The following CSMD1 variants were observed in gnomAD, a reference collection of about 807,000 sequenced individuals.
CSMD1 encodes the protein CUB and Sushi multiple domains 1.
CSMD1 carries 213 observed loss-of-function variants against 417.5 expected under a neutral mutation model. The observed-to-expected ratio is 0.51, with a 90% CI of 0.46 to 0.57. The LOEUF (loss-of-function observed/expected upper bound fraction) is 0.57. Among genes scored for constraint, CSMD1 ranks in the 20% least tolerant of loss-of-function variants. CSMD1 has a pLI of 0.00. For missense variants in CSMD1, 6,923 were observed against 4,529.7 expected, an observed-to-expected ratio of 1.53 and a Z score of -15.17; for synonymous variants, 2,862 against 1,736.8, an observed-to-expected ratio of 1.65 and a Z score of -16.11.
intron 2 of CSMD1, among the ~76,000 whole-genome samples, chr8:4,612,548 C>T (rs975965532): frequency 6.6e-6 from 1 of 152,106 alleles, no homozygotes; most frequent in Non-Finnish European, 1.5e-5. Flanking sequence ...TTCTCCACAC[C>T]GAGGAACTGG....
Position 4,855,852 on chromosome 8 carries a change from C to G in CSMD1, c.85+138480G>C, listed in dbSNP as rs868652371. On this transcript the variant is annotated intron_variant, in intron 1 of 69. Coordinates refer to ENST00000635120, the MANE Select transcript of CSMD1 (RefSeq NM_033225.6). ...TGGAAAACACTCTGCAGGATATTAT[C>G]CAGGAGAACTTCCCCAATCTAGCAA... Among the ~76,000 whole-genome samples the G allele has an allele frequency of 2.3e-3, 342 of 150,862 alleles. 2 individuals are homozygous for G. The highest frequency in any genetic ancestry group is 8.0e-3 in the African/African-American group (328 of 41,008).
At chr8:3,662,760 G>A (rs181863796) in intron 7 of CSMD1, among the ~76,000 whole-genome samples, 13 of 152,112 alleles carry the variant, frequency 8.5e-5, no homozygotes, top group South Asian at 4.2e-4. Context: ...AACCCCGCAT[G>A]TTCTCACTCA....
rs1554496782 is a variant in CSMD1 at position 3,641,024 on chromosome 8, C to CA, written c.1010-24228_1010-24227insT. Among the ~76,000 whole-genome samples the CA allele has an allele frequency of 5.8e-5, 6 of 102,718 alleles. No individual in the cohort carries two copies. In the East Asian group the frequency reaches 1.4e-3, roughly 24 times the overall value. 67.4% of individuals were successfully genotyped at this position (102,718 alleles called of 152,430 possible). On this transcript the variant is annotated intron_variant, in intron 7 of 69. Transcript: ENST00000635120. Reference sequence around the variant, plus strand: ...TCCTCTATTTTGTGTTCCTTTTTTCCTTTTTTTTTTTTTTTTTTTTTTTGT... The same window carrying CA: ...TCCTCTATTTTGTGTTCCTTTTTTCCATTTTTTTTTTTTTTTTTTTTTTTGT...
chr8:4,299,666 A>T (rs1307789526), intron 3 of CSMD1, among the ~76,000 whole-genome samples: 1 of 152,158 alleles, frequency 6.6e-6, no homozygotes, highest in Non-Finnish European at 1.5e-5. Flanking sequence ...ATGGAGTCTC[A>T]TTCTGTCGCC....
chr8:3,315,304 A>G (rs1488687933), intron 23 of CSMD1, among the ~76,000 whole-genome samples: 4 of 152,124 alleles, frequency 2.6e-5, no homozygotes, highest in African/African-American at 9.7e-5. Context: ...TTTATTTTTT[A>G]TAGTTCACTT....
chr8:4,625,419 C>T (rs1802039235), intron 2 of CSMD1, among the ~76,000 whole-genome samples: 1 of 152,060 alleles, frequency 6.6e-6, no homozygotes, highest in African/African-American at 2.4e-5. Flanking sequence ...GCAGTCGCCT[C>T]TTTGAGAGTG....
intron 46 of CSMD1, among the ~76,000 whole-genome samples, chr8:3,100,963 G>A (rs191044652): frequency 3.2e-4 from 49 of 152,068 alleles, no homozygotes; most frequent in South Asian, 1.0e-3. Flanking sequence ...GCTGGGCAGC[G>A]GCGGTTTTTA....
intron 11 of CSMD1, among the ~76,000 whole-genome samples, chr8:3,486,916 C>T (rs1048608997): frequency 6.6e-6 from 1 of 152,182 alleles, no homozygotes; most frequent in Non-Finnish European, 1.5e-5. Context: ...CTGGCAATGT[C>T]TGAACTGTCC....
intron 3 of CSMD1, among the ~76,000 whole-genome samples, chr8:4,262,105 C>T (rs1803927797): frequency 6.6e-6 from 1 of 152,104 alleles, no homozygotes; most frequent in Non-Finnish European, 1.5e-5. Flanking sequence ...ATTACTGTTA[C>T]TTCTCTTTCC....
intron 26 of CSMD1, among the ~76,000 whole-genome samples, chr8:3,233,205 G>A (rs1004820215): frequency 3.3e-5 from 5 of 151,894 alleles, no homozygotes; most frequent in Non-Finnish European, 7.4e-5. Context: ...TGGTCATATT[G>A]GGAGGTGAGG....
intron 3 of CSMD1, among the ~76,000 whole-genome samples, chr8:4,148,966 C>CT (rs33925411): frequency 0.3 from 43,546 of 145,528 alleles, 6,670 homozygotes; most frequent in Middle Eastern, 0.43. Context: ...TTCATATTAA[C>CT]TTTTTTTTTT....
chr8:4,961,646 T>C (rs10090840), intron 1 of CSMD1, among the ~76,000 whole-genome samples: 59,381 of 151,944 alleles, frequency 0.39, 12,176 homozygotes, highest in African/African-American at 0.42. Flanking sequence ...TCTATTTTCA[T>C]CCAGAAAAAC....
At chr8:4,042,632 A>C (rs138710673) in intron 3 of CSMD1, among the ~76,000 whole-genome samples, 1 of 151,902 alleles carries the variant, frequency 6.6e-6, no homozygotes, top group Non-Finnish European at 1.5e-5. Context: ...TATAAAATAT[A>C]TTTTATTTTA....
intron 1 of CSMD1, among the ~76,000 whole-genome samples, chr8:4,707,886 C>CAAAAAAAAAAAA (rs552510236): frequency 9.9e-5 from 10 of 100,850 alleles, no homozygotes; most frequent in Non-Finnish European, 1.6e-4. Flanking sequence ...GACTTTGTTT[C>CAAAAAAAAAAAA]AAAAAAAAAA....
intron 1 of CSMD1, among the ~76,000 whole-genome samples, chr8:4,844,918 C>T (rs1433738773): frequency 1.3e-5 from 2 of 152,136 alleles, no homozygotes; most frequent in Non-Finnish European, 2.9e-5. Flanking sequence ...TTTTACTTAA[C>T]TTCGTGTTTC....
intron 10 of CSMD1, among the ~76,000 whole-genome samples, chr8:3,507,409 G>T (rs1013011919): frequency 2.0e-5 from 3 of 152,130 alleles, no homozygotes; most frequent in African/African-American, 7.2e-5. Flanking sequence ...TATCATTGTT[G>T]GACATTTGGG....
chr8:3,950,503 G>C (rs1477045732), intron 5 of CSMD1, among the ~76,000 whole-genome samples: 1 of 152,184 alleles, frequency 6.6e-6, no homozygotes, highest in Non-Finnish European at 1.5e-5. Context: ...TACTTCTGCA[G>C]ACTCCGTCCA....
At chr8:3,427,355 G>C (rs942188312) in intron 12 of CSMD1, among the ~76,000 whole-genome samples, 1 of 152,040 alleles carries the variant, frequency 6.6e-6, no homozygotes, top group Admixed American at 6.5e-5. Flanking sequence ...TTTTCTTCAA[G>C]TCAAAACTTC....
At chr8:3,694,283 C>T (rs75548822) in intron 7 of CSMD1, among the ~76,000 whole-genome samples, 1,884 of 152,162 alleles carry the variant, frequency 0.012, 21 homozygotes, top group East Asian at 0.063. Flanking sequence ...GGGGTCCACA[C>T]CTCACTTCCT....
Sources: allele counts gnomAD v4.1 joint callset (sites outside exome capture counted in the v4.1 genomes callset), GRCh38; gene constraint gnomAD v4.1.1; transcripts MANE v1.5; gene names NCBI Gene and HGNC (gene_info 2026-07-23, HGNC 2026-07-21).